MAD1L1: variants seen among roughly 807,000 people sequenced by gnomAD.
MAD1L1 encodes mitotic arrest deficient 1 like 1, also known as mitotic spindle assembly checkpoint protein MAD1.
In MAD1L1, 95 loss-of-function variants were observed where a neutral mutation model predicts 96.9. The observed-to-expected ratio is 0.98, with a 90% CI of 0.83 to 1.16. The LOEUF (loss-of-function observed/expected upper bound fraction) is 1.16. Among genes scored for constraint, MAD1L1 ranks in the 50% most tolerant of loss-of-function variants. The probability of loss-of-function intolerance (pLI) is 0.00; values close to 1 mark genes in which losing one functional copy is unlikely to be tolerated. For missense variants in MAD1L1, 1,007 were observed against 954.4 expected (o/e 1.06, Z -0.73); for synonymous variants, 473 against 396.6 (o/e 1.19, Z -2.29).
intron 4 of MAD1L1, among the ~76,000 whole-genome samples, chr7:2,224,435 T>A (rs1793773410): frequency 6.6e-6 from 1 of 152,168 alleles, no homozygotes; most frequent in African/African-American, 2.4e-5. Context: ...GAGCCAACCC[T>A]GAGGCAGTGG....
At chr7:1,816,655 G>GCAGGGGGGCGCTGGGGGCC (rs1347686358) in intron 18 of MAD1L1, among the ~76,000 whole-genome samples, 5 of 152,084 alleles carry the variant, frequency 3.3e-5, no homozygotes, top group Non-Finnish European at 7.4e-5. Context: ...CCCCACTTGT[G>GCAGGGGGGCGCTGGGGGCC]CAGGGGGGCG....
chr7:1,978,577 C>T (rs1276825669), intron 15 of MAD1L1, among the ~76,000 whole-genome samples: 1 of 152,184 alleles, frequency 6.6e-6, no homozygotes, highest in African/African-American at 2.4e-5. Flanking sequence ...TGCATGCTCA[C>T]CATGGCACCT....
chr7:1,957,771 G>T (rs765946114), intron 15 of MAD1L1, 52 bp from the exon 16 acceptor site: 3 of 1,558,570 alleles, frequency 1.9e-6, no homozygotes, highest in East Asian at 4.5e-5. Flanking sequence ...CCATGCTGGG[G>T]AAGTCCCACC....
At chr7:1,898,479 G>C in intron 17 of MAD1L1, 89 bp from the exon 18 acceptor site, 1 of 1,151,020 alleles carries the variant, frequency 8.7e-7, no homozygotes, top group Non-Finnish European at 1.3e-6. Flanking sequence ...AGGAAGCCGA[G>C]TACAGGTGGG....
intron 5 of MAD1L1, chr7:2,221,032 G>A (rs945057933): frequency 6.2e-7 from 1 of 1,611,478 alleles, no homozygotes; most frequent in Non-Finnish European, 8.5e-7. Flanking sequence ...CCTGTGACAG[G>A]AGAAGGCAGT....
At chr7:2,112,715 G>A (rs78365436) in intron 11 of MAD1L1, among the ~76,000 whole-genome samples, 4,134 of 151,924 alleles carry the variant, frequency 0.027, 98 homozygotes, top group South Asian at 0.09. Context: ...TGACACACCC[G>A]GAGCAGGCAG....
chr7:2,135,690 GC>G (rs1257472358), intron 11 of MAD1L1, among the ~76,000 whole-genome samples: 1 of 152,154 alleles, frequency 6.6e-6, no homozygotes, highest in South Asian at 2.1e-4. Context: ...TCGGGACAAT[GC>G]CCACCAGCTC....
chr7:2,019,516 G>A (rs373851440), intron 12 of MAD1L1, among the ~76,000 whole-genome samples: 18 of 152,252 alleles, frequency 1.2e-4, no homozygotes, highest in East Asian at 5.8e-4. Flanking sequence ...ACGGGGGCAC[G>A]AATGCCCCAA....
At chr7:1,988,169 G>A (rs1247644112) in intron 14 of MAD1L1, among the ~76,000 whole-genome samples, 2 of 152,234 alleles carry the variant, frequency 1.3e-5, no homozygotes, top group African/African-American at 4.8e-5. Flanking sequence ...CCAGGAAGAG[G>A]GCGCTGGGGA....
intron 11 of MAD1L1, among the ~76,000 whole-genome samples, chr7:2,082,836 A>G (rs2128539981): frequency 6.6e-6 from 1 of 152,330 alleles, no homozygotes; most frequent in South Asian, 2.1e-4. Flanking sequence ...GCGCCGCACG[A>G]CCACTCCAGC....
At chr7:1,927,105 A>G (rs1789131489) in intron 17 of MAD1L1, among the ~76,000 whole-genome samples, 1 of 152,186 alleles carries the variant, frequency 6.6e-6, no homozygotes, top group Admixed American at 6.5e-5. Flanking sequence ...GACCCATAAA[A>G]ACAAGCCTAC....
chr7:2,208,597 A>G (rs868490098), intron 10 of MAD1L1, among the ~76,000 whole-genome samples: 7 of 152,174 alleles, frequency 4.6e-5, no homozygotes, highest in African/African-American at 1.7e-4. Flanking sequence ...TTAAATCACA[A>G]ACGAGTCTTG....
At chr7:1,892,460 T>G (rs1207137912) in intron 18 of MAD1L1, among the ~76,000 whole-genome samples, 1 of 152,226 alleles carries the variant, frequency 6.6e-6, no homozygotes, top group Non-Finnish European at 1.5e-5. Context: ...ATTTTCAGGT[T>G]GTCAGAATAT....
chr7:1,986,611 T>TGTCTGCTCACTGC (rs1384319717), intron 14 of MAD1L1, among the ~76,000 whole-genome samples: 1 of 151,916 alleles, frequency 6.6e-6, no homozygotes, highest in Non-Finnish European at 1.5e-5. Context: ...CCCGGGGATG[T>TGTCTGCTCACTGC]GTCTGCTCAC....
intron 16 of MAD1L1, among the ~76,000 whole-genome samples, chr7:1,945,293 G>A (rs1779177837): frequency 6.6e-6 from 1 of 152,266 alleles, no homozygotes; most frequent in African/African-American, 2.4e-5. Context: ...CACCACCACA[G>A]CCCCAGCACC....
chr7:2,081,715 G>A (rs946496413), intron 11 of MAD1L1, among the ~76,000 whole-genome samples: 4 of 152,240 alleles, frequency 2.6e-5, no homozygotes, highest in Admixed American at 1.3e-4. Context: ...GAGCACAACG[G>A]CCCAGGCCCG....
At chr7:2,168,474 A>G (rs943039656) in intron 10 of MAD1L1, among the ~76,000 whole-genome samples, 1 of 152,258 alleles carries the variant, frequency 6.6e-6, no homozygotes, top group African/African-American at 2.4e-5. Flanking sequence ...CTAGAAAGGC[A>G]ACAGCCATGC....
chr7:1,865,459 C>A (rs1044611990), intron 18 of MAD1L1, among the ~76,000 whole-genome samples: 1 of 152,226 alleles, frequency 6.6e-6, no homozygotes, highest in East Asian at 1.9e-4. Flanking sequence ...TCTCAGGACA[C>A]CCTGCCCTGC....
At chr7:2,164,649 C>T (rs1414816549) in intron 10 of MAD1L1, among the ~76,000 whole-genome samples, 1 of 150,166 alleles carries the variant, frequency 6.7e-6, no homozygotes. Context: ...GACAGTTGCA[C>T]CAAAAAAAAA....
Sources: gnomAD v4.1 joint callset for allele counts (sites outside exome capture counted in the v4.1 genomes callset) on GRCh38, gnomAD v4.1.1 for gene constraint, MANE v1.5 for transcripts, NCBI Gene and HGNC (gene_info 2026-07-23, HGNC 2026-07-21) for gene names.